ZNF804B: variants seen among roughly 807,000 people sequenced by gnomAD.
ZNF804B encodes the protein zinc finger protein 804B.
A neutral mutation model predicts 101.4 loss-of-function variants in ZNF804B; 80 were observed. The ratio of observed to expected loss-of-function variants is 0.79; its 90% CI spans 0.66 to 0.95. ZNF804B has a LOEUF of 0.95. Ranked by LOEUF, ZNF804B falls within the 40% of genes least tolerant of loss-of-function variation. The pLI is 0.00. For synonymous variants in ZNF804B, 622 were observed against 558.8 expected, an observed-to-expected ratio of 1.11 and a Z score of -1.59; for missense variants, 1,673 against 1,561.9, an observed-to-expected ratio of 1.07 and a Z score of -1.20.
chr7:89,337,761 CATT>C lies in ZNF804B; in HGVS notation c.*731_*733del, dbSNP rs1169907290. 6.6e-6 allele frequency among the ~76,000 whole-genome samples: 1 copy of C among 152,034 alleles called. No individual in the cohort carries two copies. The highest frequency in any genetic ancestry group is 1.5e-5 in the Non-Finnish European group (1 of 67,952). On this transcript the variant is annotated 3_prime_UTR_variant, in exon 4 of 4. Coordinates refer to ENST00000333190, the MANE Select transcript of ZNF804B (RefSeq NM_181646.5). ...TTGTATAAAAACATATACAAACTAT[CATT>C]AGTATTTGATAATGCAAACTCAAAA...
At chr7:88,877,007 A>AATATATATATATATAATATATATAT (rs1554342845) in intron 1 of ZNF804B, among the ~76,000 whole-genome samples, 11 of 75,172 alleles carry the variant, frequency 1.5e-4, no homozygotes, top group African/African-American at 1.0e-3. Context: ...TGAAAAAAAA[A>AATATATATATATATAATATATATAT]ATATATATAT....
At chr7:89,128,068 G>A (rs370403026) in intron 1 of ZNF804B, among the ~76,000 whole-genome samples, 1 of 151,758 alleles carries the variant, frequency 6.6e-6, no homozygotes. Flanking sequence ...ATAGTATTTA[G>A]TATGTATATC....
At chr7:88,918,147 A>C (rs1462344682) in intron 1 of ZNF804B, among the ~76,000 whole-genome samples, 1 of 152,172 alleles carries the variant, frequency 6.6e-6, no homozygotes, top group Non-Finnish European at 1.5e-5. Flanking sequence ...CTAAACCTTC[A>C]GCAGCAGTGC....
intron 1 of ZNF804B, among the ~76,000 whole-genome samples, chr7:88,941,588 G>A (rs1201653495): frequency 6.6e-6 from 1 of 151,960 alleles, no homozygotes; most frequent in Non-Finnish European, 1.5e-5. Flanking sequence ...AAAAAGATCA[G>A]TGGTTGTTAG....
At chr7:88,984,032 C>T (rs116526133) in intron 1 of ZNF804B, among the ~76,000 whole-genome samples, 440 of 152,122 alleles carry the variant, frequency 2.9e-3, no homozygotes, top group Middle Eastern at 0.01. Flanking sequence ...TGCATTTCTC[C>T]AAATGAGAAA....
intron 1 of ZNF804B, among the ~76,000 whole-genome samples, chr7:89,130,100 A>AT (rs1465323828): frequency 5.3e-5 from 8 of 151,924 alleles, no homozygotes; most frequent in African/African-American, 1.7e-4. Context: ...ATTAGTGTCA[A>AT]TTTTCACCAA....
intron 1 of ZNF804B, among the ~76,000 whole-genome samples, chr7:88,868,384 T>C (rs1253596294): frequency 6.6e-6 from 1 of 152,156 alleles, no homozygotes; most frequent in Non-Finnish European, 1.5e-5. Flanking sequence ...GGTATTTGAG[T>C]ATAATATGTA....
chr7:88,943,288 A>G (rs1377559423), intron 1 of ZNF804B, among the ~76,000 whole-genome samples: 1 of 151,870 alleles, frequency 6.6e-6, no homozygotes, highest in Non-Finnish European at 1.5e-5. Flanking sequence ...CCTTTCACCC[A>G]TCTCCAGGCC....
At chr7:88,821,038 G>T (rs1428823687) in intron 1 of ZNF804B, among the ~76,000 whole-genome samples, 1 of 152,132 alleles carries the variant, frequency 6.6e-6, no homozygotes, top group African/African-American at 2.4e-5. Context: ...ACCTCCATGG[G>T]TATCTCTAAA....
chr7:88,778,364 G>T (rs1262766843), intron 1 of ZNF804B, among the ~76,000 whole-genome samples: 1 of 152,162 alleles, frequency 6.6e-6, no homozygotes, highest in African/African-American at 2.4e-5. Context: ...CCATGTCAAG[G>T]TCTTTAGTTT....
At chr7:89,125,912 A>G (rs1403194023) in intron 1 of ZNF804B, among the ~76,000 whole-genome samples, 2 of 152,098 alleles carry the variant, frequency 1.3e-5, no homozygotes, top group African/African-American at 4.8e-5. Context: ...CTACATGCTC[A>G]AGACTGTAGG....
intron 1 of ZNF804B, among the ~76,000 whole-genome samples, chr7:88,943,289 T>C (rs554866786): frequency 6.6e-6 from 1 of 151,960 alleles, no homozygotes; most frequent in East Asian, 1.9e-4. Context: ...CTTTCACCCA[T>C]CTCCAGGCCT....
intron 1 of ZNF804B, among the ~76,000 whole-genome samples, chr7:89,071,080 T>C (rs1343681323): frequency 6.6e-6 from 1 of 152,134 alleles, no homozygotes; most frequent in Admixed American, 6.5e-5. Context: ...TTACTTATCA[T>C]ACTAATACTA....
At chr7:89,099,229 T>A (rs2116335936) in intron 1 of ZNF804B, among the ~76,000 whole-genome samples, 1 of 152,116 alleles carries the variant, frequency 6.6e-6, no homozygotes, top group South Asian at 2.1e-4. Context: ...AGCTAAAACC[T>A]GTGGAACTTC....
At chr7:89,332,008 A>C (rs1034367223) in intron 3 of ZNF804B, among the ~76,000 whole-genome samples, 11 of 151,330 alleles carry the variant, frequency 7.3e-5, no homozygotes, top group Non-Finnish European at 1.6e-4. Flanking sequence ...ATATGTATAT[A>C]TTAATATACA....
chr7:88,874,880 C>G (rs1382824983), intron 1 of ZNF804B, among the ~76,000 whole-genome samples: 1 of 147,108 alleles, frequency 6.8e-6, no homozygotes, highest in Admixed American at 6.9e-5. Flanking sequence ...CACACCACAC[C>G]TATTCCAAAA....
rs868125082 is a variant in ZNF804B at position 89,156,057 on chromosome 7, T to G, written c.109-62098T>G. Among the ~76,000 whole-genome samples, 522 of 82,194 alleles carry G rather than the reference T, an allele frequency of 6.4e-3. 13 individuals are homozygous for G. Among genetic ancestry groups the G allele is most frequent in the Non-Finnish European group, 9.3e-3 (316 of 34,046 alleles). 53.9% of individuals were successfully genotyped at this position (82,194 alleles called of 152,430 possible). ...CTTTCTTTCTTTCTTTCTTTCTTTC[T>G]TTCTTTCTTTCTTTCTCTCTTTCTC... On this transcript the variant is annotated intron_variant, in intron 1 of 3. Transcript: ENST00000333190.
At chr7:88,835,184 C>G (rs972075360) in intron 1 of ZNF804B, among the ~76,000 whole-genome samples, 4 of 151,842 alleles carry the variant, frequency 2.6e-5, no homozygotes, top group Non-Finnish European at 5.9e-5. Flanking sequence ...CAGTAGCATA[C>G]TGCTTTAATT....
chr7:89,132,492 A>G (rs899063538), intron 1 of ZNF804B, among the ~76,000 whole-genome samples: 4 of 151,960 alleles, frequency 2.6e-5, no homozygotes, highest in African/African-American at 9.7e-5. Flanking sequence ...GTGGCTACAA[A>G]CAGAGTCAGG....
Sources: allele counts gnomAD v4.1 joint callset (sites outside exome capture counted in the v4.1 genomes callset), GRCh38; gene constraint gnomAD v4.1.1; transcripts MANE v1.5; gene names NCBI Gene and HGNC (gene_info 2026-07-23, HGNC 2026-07-21).